Variants in ZP3 observed in about 807,000 individuals in gnomAD.
The protein encoded by ZP3 is zona pellucida glycoprotein 3, also known as zona pellucida sperm-binding protein 3.
A neutral mutation model predicts 35.6 loss-of-function variants in ZP3; 21 were observed. The observed-to-expected ratio is 0.59, with a 90% CI of 0.42 to 0.85. The LOEUF is 0.85. Among genes scored for constraint, ZP3 ranks in the 40% least tolerant of loss-of-function variants. The probability of loss-of-function intolerance (pLI) is 0.00; values close to 1 mark genes in which losing one functional copy is unlikely to be tolerated. For synonymous variants in ZP3, 207 were observed against 214.5 expected (o/e 0.96, Z 0.31); for missense variants, 437 against 536.5 (o/e 0.81, Z 1.83).
rs1033593937 is a variant in ZP3, at chr7:76,416,864, A to G, written c.-66-8188A>G. 4.1e-5 allele frequency among the ~76,000 whole-genome samples: 6 copies of G among 148,026 alleles called. 1 individual carries two copies. Among genetic ancestry groups the G allele is most frequent in the Non-Finnish European group, 5.9e-5 (4 of 67,710 alleles). On this transcript the variant is annotated intron_variant, in intron 1 of 8. Transcript: ENST00000336517. The stretch of plus-strand genomic sequence containing the variant: ...CATATATACACACATACATATATAT[A>G]CACACATATATACACACATACATAT...
chr7:76,406,277 C>T (rs1002815314), intron 1 of ZP3, among the ~76,000 whole-genome samples: 11 of 152,178 alleles, frequency 7.2e-5, no homozygotes, highest in African/African-American at 2.4e-4. Flanking sequence ...CGCACCTGGT[C>T]TGTGCATTCG....
intron 1 of ZP3, among the ~76,000 whole-genome samples, chr7:76,425,488 T>C (rs1403924323): frequency 6.6e-6 from 1 of 151,962 alleles, no homozygotes; most frequent in East Asian, 1.9e-4. Flanking sequence ...GTCGATGGGG[T>C]GGAGCCAGAG....
intron 2 of ZP3, among the ~76,000 whole-genome samples, chr7:76,429,835 CA>C (rs1217175725): frequency 6.6e-6 from 1 of 152,138 alleles, no homozygotes; most frequent in Non-Finnish European, 1.5e-5. Flanking sequence ...ATCAGGAGCC[CA>C]ACTGCAGCTT....
At chr7:76,400,677 T>C in intron 1 of ZP3, 1 of 1,346,196 alleles carries the variant, frequency 7.4e-7, no homozygotes. Flanking sequence ...TATTTTATTA[T>C]TATTTTTTTT....
chr7:76,414,635 G>T (rs1805322888), intron 1 of ZP3, among the ~76,000 whole-genome samples: 1 of 147,256 alleles, frequency 6.8e-6, no homozygotes, highest in Admixed American at 6.9e-5. Flanking sequence ...ACCTTCTCAT[G>T]CAGGAACAGA....
intron 2 of ZP3, among the ~76,000 whole-genome samples, chr7:76,431,730 T>G (rs113020001): frequency 0.038 from 5,723 of 152,150 alleles, 301 homozygotes; most frequent in African/African-American, 0.12. Flanking sequence ...AAACCCCGTC[T>G]CTACTAAAAA....
intron 1 of ZP3, among the ~76,000 whole-genome samples, chr7:76,426,874 C>CCACACACACACACACACACACA (rs369991319): frequency 6.3e-5 from 8 of 126,688 alleles, no homozygotes; most frequent in South Asian, 2.8e-4. Context: ...CTACCAAACA[C>CCACACACACACACACACACACA]CACACACACA....
intron 1 of ZP3, among the ~76,000 whole-genome samples, chr7:76,413,800 G>A (rs988653101): frequency 6.6e-6 from 1 of 151,994 alleles, no homozygotes; most frequent in South Asian, 2.1e-4. Flanking sequence ...CCGAGTAGCT[G>A]GGACTACAGG....
At chr7:76,432,426 C>T (rs1227332740) in intron 2 of ZP3, among the ~76,000 whole-genome samples, 2 of 152,034 alleles carry the variant, frequency 1.3e-5, no homozygotes, top group East Asian at 1.9e-4. Flanking sequence ...CCTCATGATC[C>T]GCCCGCCTCG....
chr7:76,415,400 A>T (rs73363105), intron 1 of ZP3, among the ~76,000 whole-genome samples: 22,293 of 144,978 alleles, frequency 0.15, 2,007 homozygotes, highest in Middle Eastern at 0.22. Context: ...GATTCAGCAC[A>T]AACTATTAAC....
intron 1 of ZP3, among the ~76,000 whole-genome samples, chr7:76,405,404 A>C (rs1392873246): frequency 8.1e-6 from 1 of 123,722 alleles, no homozygotes; most frequent in Non-Finnish European, 1.7e-5. Context: ...CTGGTTTCGA[A>C]CTCCTGACCT....
At chr7:76,398,309 A>AT (rs575917641) in intron 1 of ZP3, among the ~76,000 whole-genome samples, 15,704 of 127,112 alleles carry the variant, frequency 0.12, 1,012 homozygotes, top group African/African-American at 0.14. Flanking sequence ...TTCATTTTCT[A>AT]TTTTTTTTTT....
chr7:76,411,384 T>C (rs572412168), intron 1 of ZP3, among the ~76,000 whole-genome samples: 1 of 151,972 alleles, frequency 6.6e-6, no homozygotes, highest in African/African-American at 2.4e-5. Flanking sequence ...CTGGGCAACA[T>C]AGGGAGACCC....
intron 1 of ZP3, among the ~76,000 whole-genome samples, chr7:76,408,809 G>A (rs900295835): frequency 7.2e-5 from 11 of 152,112 alleles, no homozygotes; most frequent in Non-Finnish European, 2.9e-5. Context: ...GCTCTTGAAA[G>A]CCCTCCCATC....
upstream of ZP3, among the ~76,000 whole-genome samples, chr7:76,423,067 G>GAAAGAAAGAAAGAAAC (rs1554624530): frequency 4.7e-3 from 671 of 143,326 alleles, 12 homozygotes; most frequent in African/African-American, 0.017. Flanking sequence ...AAGAAAGAAA[G>GAAAGAAAGAAAGAAAC]AAAGAAAGAA....
At chr7:76,397,740 C>T (rs1804687473) in exon 1 of ZP3, 1 of 1,613,162 alleles carries the variant, frequency 6.2e-7, no homozygotes, top group South Asian at 1.1e-5. Flanking sequence ...CCCCAGTCGT[C>T]GTCACACACG....
chr7:76,404,163 T>C (rs1563686113), intron 1 of ZP3: 1 of 1,255,456 alleles, frequency 8.0e-7, no homozygotes, highest in East Asian at 2.7e-5. Context: ...TCTTAGCTCT[T>C]TTGTCAACTC....
intron 1 of ZP3, among the ~76,000 whole-genome samples, chr7:76,411,768 C>T (rs1041784387): frequency 2.0e-5 from 3 of 152,052 alleles, no homozygotes; most frequent in Non-Finnish European, 4.4e-5. Flanking sequence ...TGTACATTCA[C>T]CATATGAACT....
upstream of ZP3, among the ~76,000 whole-genome samples, chr7:76,423,007 AAGAG>A (rs747350112): frequency 0.045 from 3,407 of 76,000 alleles, 195 homozygotes; most frequent in Non-Finnish European, 0.055. Context: ...AAAAGAAAGA[AAGAG>A]AGAGAGAGAG....
Sources: allele counts gnomAD v4.1 joint callset (sites outside exome capture counted in the v4.1 genomes callset), GRCh38; gene constraint gnomAD v4.1.1; transcripts MANE v1.5; gene names NCBI Gene and HGNC (gene_info 2026-07-23, HGNC 2026-07-21).